Variants in RGL3 observed in about 807,000 individuals in gnomAD.
RGL3 encodes the protein ral guanine nucleotide dissociation stimulator like 3.
RGL3 carries 85 observed loss-of-function variants against 90.6 expected under a neutral mutation model. The observed-to-expected ratio is 0.94, with a 90% confidence interval of 0.79 to 1.12. The LOEUF (loss-of-function observed/expected upper bound fraction) is 1.12. RGL3 is among the 50% of genes most tolerant of loss of function. The probability of loss-of-function intolerance (pLI) is 0.00; values close to 1 mark genes in which losing one functional copy is unlikely to be tolerated. For missense variants in RGL3, 1,034 were observed against 939.2 expected (o/e 1.10, Z -1.32); for synonymous variants, 408 against 385.5 (o/e 1.06, Z -0.68).
chr19:11,419,176 C>A (rs867254280), intron 1 of RGL3, 70 bp downstream of exon 1: 7 of 1,522,578 alleles, frequency 4.6e-6, no homozygotes, highest in Non-Finnish European at 5.4e-6. Flanking sequence ...GTCCGACGGG[C>A]GGGCGCTTGG....
Position 11,406,513 on chromosome 19 carries a change from A to G in RGL3, c.902T>C (p.Val301Ala), listed in dbSNP as rs1157305753. The change falls in exon 7 of 19, where the codon GTG (valine) becomes GCG (alanine). Residue 301 changes from valine (V) to alanine (A), a missense_variant. Coordinates refer to ENST00000380456, the MANE Select transcript of RGL3 (RefSeq NM_001035223.4). The part of the protein sequence containing the change: ...VRATVAQFNT[V>A]TGCVLGSVLG... ...CACGGAACCCAGCACACAGCCGGTC[A>G]CGGTGTTGAACTGGGCCACGGTGGC... The G allele has an allele frequency of 6.4e-7, 1 of 1,553,458 alleles. No individual in the cohort carries two copies. Among genetic ancestry groups the G allele is most frequent in the East Asian group, 2.4e-5 (1 of 41,886 alleles).
In RGL3 at chr19:11,394,369, G is replaced by A. The variant is rs1199237056; in HGVS notation, c.*33C>T. ...GAGAAGAGTCGCAAGCTTGCCTGTG[G>A]GACTTGTGTCTTGTGGAGAGGACAG... On this transcript the variant is annotated 3_prime_UTR_variant, in exon 19 of 19. Transcript: ENST00000380456. 1 of 1,528,244 alleles carries A rather than the reference G, an allele frequency of 6.5e-7. No homozygotes were observed. 94.7% of individuals were successfully genotyped at this position (1,528,244 alleles called of 1,614,324 possible). A position where few individuals can be genotyped will look rare whatever the true frequency, so the allele number is the denominator to read the frequency against.
In RGL3 at chr19:11,416,012, C is replaced by CT. The variant is rs1568342664; in HGVS notation, c.561dup (p.Ala188SerfsTer13). 2 of 1,613,980 alleles carry CT rather than the reference C, an allele frequency of 1.2e-6. No homozygotes were observed. The highest frequency in any genetic ancestry group is 8.5e-7 in the Non-Finnish European group (1 of 1,180,000). On this transcript the variant is annotated frameshift_variant, in exon 5 of 19. Transcript: ENST00000380456. LOFTEE classifies it high-confidence loss of function. ...AAAAAATCTTCCAGAAGCTTCTCTG[C>CT]TTTTTGAGCCTCAGCACTCCCTGGG... is the stretch of plus-strand genomic sequence containing the variant.
intron 2 of RGL3, among the ~76,000 whole-genome samples, chr19:11,417,935 C>G (rs1969032311): frequency 1.3e-5 from 2 of 152,282 alleles, no homozygotes; most frequent in South Asian, 4.1e-4. Context: ...AGCGGTCCCT[C>G]TGCCCCAGCC....
Position 11,402,708 on chromosome 19 carries a change from T to C in RGL3, c.1186-2A>G, listed in dbSNP as rs1456624683. 1 of 1,612,804 alleles carries C rather than the reference T, an allele frequency of 6.2e-7. No homozygotes were observed. Among genetic ancestry groups the C allele is most frequent in the African/African-American group, 1.3e-5 (1 of 74,928 alleles). On this transcript the variant is annotated splice_acceptor_variant, in intron 9 of 18. Coordinates refer to ENST00000380456, the MANE Select transcript of RGL3 (RefSeq NM_001035223.4). LOFTEE classifies it high-confidence loss of function. ...TTGGGATCCCTCAGTGGCCTCCTCCTGAGGGAAGAGAAAAACTGAGCCAGG... is the reference window on the plus strand; with the variant it reads ...TTGGGATCCCTCAGTGGCCTCCTCCCGAGGGAAGAGAAAAACTGAGCCAGG...
Position 11,394,703 on chromosome 19 carries a change from T to G in RGL3, c.2015-183A>C, listed in dbSNP as rs1039639582. 6.9e-6 allele frequency: 4 copies of G among 576,410 alleles called. No homozygotes were observed. The African/African-American group carries it at 7.5e-5, about 11-fold the overall frequency. The allele number at this position is 576,410 out of a possible 1,614,324, so 35.7% of individuals were successfully genotyped here. On this transcript the variant is annotated intron_variant, in intron 18 of 18. Transcript: ENST00000380456. ...CCTGGACGACTTCTCACTTGAAAAC[T>G]TGCACCACCTCATGCCTTCCCTTAT...
intron 12 of RGL3, 39 bp from the exon 13 acceptor site, chr19:11,402,171 C>T: frequency 1.9e-6 from 3 of 1,595,064 alleles, no homozygotes; most frequent in Non-Finnish European, 2.6e-6. Flanking sequence ...CCTGCCCCAC[C>T]CCCACCCTCA....
At chr19:11,414,494 T>TATATATATATATATATATACACCTTC (rs1968951461) in intron 5 of RGL3, among the ~76,000 whole-genome samples, 1 of 37,220 alleles carries the variant, frequency 2.7e-5, no homozygotes, top group African/African-American at 9.8e-5. Context: ...CACCTTCATA[T>TATATATATATATATATATACACCTTC]ATATATATAT....
chr19:11,418,086 G>A (rs779828258), intron 2 of RGL3, among the ~76,000 whole-genome samples: 3 of 151,982 alleles, frequency 2.0e-5, no homozygotes, highest in Admixed American at 6.6e-5. Flanking sequence ...TCGAAGCGCA[G>A]GGATTATAGG....
chr19:11,415,326 G>A (rs552917711), intron 5 of RGL3, among the ~76,000 whole-genome samples: 3 of 151,992 alleles, frequency 2.0e-5, no homozygotes, highest in Admixed American at 6.6e-5. Context: ...CTGCACTCCA[G>A]CCTGAGCAAC....
chr19:11,399,705 T>C, intron 16 of RGL3, 150 bp downstream of exon 16: 1 of 478,998 alleles, frequency 2.1e-6, no homozygotes, highest in Non-Finnish European at 3.6e-6. Context: ...TGCAATCCCC[T>C]GGATGGATAC....
intron 13 of RGL3, among the ~76,000 whole-genome samples, chr19:11,400,541 A>G (rs955385862): frequency 6.6e-6 from 1 of 152,014 alleles, no homozygotes; most frequent in Non-Finnish European, 1.5e-5. Flanking sequence ...TAAGGAATCA[A>G]ATTGGGTCAG....
Position 11,403,075 on chromosome 19 carries a change from C to A in RGL3, c.1186-369G>T, listed in dbSNP as rs186683899. Among the ~76,000 whole-genome samples the A allele has an allele frequency of 5.2e-3, 794 of 151,910 alleles. 2 individuals are homozygous for A. Among genetic ancestry groups the A allele is most frequent in the Middle Eastern group, 6.8e-3 (2 of 294 alleles). ...CTCTAGAGGGAGTGTCGCTCTGTCA[C>A]CCAGGCTGGAGTGCAGTGGCGCGAT... On this transcript the variant is annotated intron_variant, in intron 9 of 18. Transcript: ENST00000380456.
chr19:11,399,829 C>T (rs942818272), intron 16 of RGL3, 26 bp downstream of exon 16: 15 of 1,322,470 alleles, frequency 1.1e-5, no homozygotes, highest in Non-Finnish European at 1.5e-5. Flanking sequence ...CGCAGGCCCG[C>T]ATGCACACAC....
Position 11,418,780 on chromosome 19 carries a change from G to C in RGL3, c.38C>G (p.Pro13Arg). ...GGTCTCTTCACCCCAGTCCTGCAGC[G>C]GTGCCTGGACGCACAGGCGGACTCA... ...RTAGKELALA[P>R]LQDWGEETED... The change falls in exon 2 of 19, where the codon CCG becomes CGG. Residue 13 changes from proline to arginine, a missense_variant. Pro to Arg is a moderately radical substitution (Grantham distance 103). Coordinates refer to ENST00000380456, the MANE Select transcript of RGL3 (RefSeq NM_001035223.4). 1 of 1,546,324 alleles carries C rather than the reference G, an allele frequency of 6.5e-7. No individual in the cohort carries two copies. The highest frequency in any genetic ancestry group is 8.7e-7 in the Non-Finnish European group (1 of 1,149,200).
intron 16 of RGL3, among the ~76,000 whole-genome samples, chr19:11,399,263 T>C (rs1430230347): frequency 6.6e-6 from 1 of 152,046 alleles, no homozygotes; most frequent in Non-Finnish European, 1.5e-5. Context: ...CTTAGGGACA[T>C]ACATGTCCTC....
intron 13 of RGL3, among the ~76,000 whole-genome samples, chr19:11,400,856 AAAATAAATAAATAAATAAATAAAT>A (rs36155093): frequency 6.9e-6 from 1 of 145,500 alleles, no homozygotes; most frequent in Non-Finnish European, 1.5e-5. Flanking sequence ...CTCTGTCTCA[AAAATAAATAAATAAATAAATAAAT>A]AAATAAATAA....
chr19:11,395,157 C>T (rs1030777635), intron 18 of RGL3, among the ~76,000 whole-genome samples: 2 of 151,746 alleles, frequency 1.3e-5, no homozygotes, highest in Non-Finnish European at 2.9e-5. Context: ...CAAACTTAGA[C>T]CACCCTAGAC....
chr19:11,414,464 CATAT>C (rs1226288918), intron 5 of RGL3, among the ~76,000 whole-genome samples: 10 of 43,266 alleles, frequency 2.3e-4, no homozygotes, highest in South Asian at 6.5e-4. Flanking sequence ...TATATACCTT[CATAT>C]ATATATATAT....
Sources: allele counts gnomAD v4.1 joint callset (sites outside exome capture counted in the v4.1 genomes callset), GRCh38; gene constraint gnomAD v4.1.1; transcripts MANE v1.5; gene names NCBI Gene and HGNC (gene_info 2026-07-23, HGNC 2026-07-21).